Variants in ADGRL3 observed in about 807,000 individuals in gnomAD.
ADGRL3 encodes adhesion G protein-coupled receptor L3.
In ADGRL3, 62 loss-of-function variants were observed where a neutral mutation model predicts 153.5. The ratio of observed to expected loss-of-function variants is 0.40; its 90% CI spans 0.33 to 0.50. The LOEUF (loss-of-function observed/expected upper bound fraction) is 0.50. ADGRL3 is among the 20% of genes least tolerant of loss of function. The probability of loss-of-function intolerance (pLI) is 0.47; values close to 1 mark genes in which losing one functional copy is unlikely to be tolerated. For synonymous variants in ADGRL3, 710 were observed against 672.5 expected (o/e 1.06, Z -0.86); for missense variants, 1,641 against 1,859.4 (o/e 0.88, Z 2.16).
intron 9 of ADGRL3, among the ~76,000 whole-genome samples, chr4:61,836,198 A>G (rs951823226): frequency 6.6e-6 from 1 of 152,190 alleles, no homozygotes; most frequent in African/African-American, 2.4e-5. Flanking sequence ...TTTCACAAAG[A>G]TTAATCTCTT....
At chr4:61,634,682 C>T (rs2093340172) in intron 5 of ADGRL3, among the ~76,000 whole-genome samples, 1 of 152,116 alleles carries the variant, frequency 6.6e-6, no homozygotes, top group Admixed American at 6.6e-5. Context: ...TGATGGGCTG[C>T]TGTTTTTATT....
intron 9 of ADGRL3, among the ~76,000 whole-genome samples, chr4:61,840,225 G>A (rs1328145505): frequency 5.3e-5 from 8 of 152,006 alleles, no homozygotes; most frequent in Admixed American, 1.3e-4. Context: ...GATTACAGGC[G>A]CCTGCCACCA....
chr4:62,011,464 C>T (rs923589719), intron 21 of ADGRL3, among the ~76,000 whole-genome samples: 7 of 151,774 alleles, frequency 4.6e-5, no homozygotes, highest in Non-Finnish European at 8.8e-5. Context: ...TAAAAATGTT[C>T]CTTTCCTCTC....
intron 4 of ADGRL3, among the ~76,000 whole-genome samples, chr4:61,563,370 A>G (rs1251482887): frequency 6.6e-6 from 1 of 152,194 alleles, no homozygotes; most frequent in Non-Finnish European, 1.5e-5. Context: ...TTTAGACAGC[A>G]CAGGCAGAGT....
chr4:61,775,561 C>CT (rs1490330111), intron 8 of ADGRL3: 1 of 841,882 alleles, frequency 1.2e-6, no homozygotes, highest in Non-Finnish European at 2.0e-6. Flanking sequence ...CTTCCCCTCT[C>CT]TGTCAGTTTT....
chr4:61,658,299 A>T (rs2094496966), intron 5 of ADGRL3, among the ~76,000 whole-genome samples: 1 of 152,180 alleles, frequency 6.6e-6, no homozygotes, highest in Non-Finnish European at 1.5e-5. Context: ...CATTTTCTAC[A>T]AAAATGACAG....
intron 1 of ADGRL3, among the ~76,000 whole-genome samples, chr4:61,349,509 A>G (rs1294338393): frequency 6.6e-6 from 1 of 152,086 alleles, no homozygotes; most frequent in Admixed American, 6.6e-5. Context: ...CACCACGATT[A>G]CCTGTATAAA....
chr4:61,306,251 C>G (rs930392448), intron 1 of ADGRL3, among the ~76,000 whole-genome samples: 24 of 151,956 alleles, frequency 1.6e-4, no homozygotes, highest in Non-Finnish European at 2.8e-4. Context: ...GTACCCGCCA[C>G]CACGCCCGGC....
intron 8 of ADGRL3, among the ~76,000 whole-genome samples, chr4:61,783,985 A>G (rs1036611245): frequency 9.2e-5 from 14 of 152,216 alleles, no homozygotes; most frequent in Admixed American, 7.9e-4. Flanking sequence ...ACTTGACCTA[A>G]TATAATGTAA....
At chr4:61,469,333 G>A (rs923335410) in intron 2 of ADGRL3, among the ~76,000 whole-genome samples, 1 of 152,052 alleles carries the variant, frequency 6.6e-6, no homozygotes, top group African/African-American at 2.4e-5. Context: ...ATTATTATGA[G>A]TATTAAATGA....
chr4:61,210,496 T>C (rs182427134), intron 1 of ADGRL3, among the ~76,000 whole-genome samples: 90 of 152,218 alleles, frequency 5.9e-4, no homozygotes, highest in Non-Finnish European at 5.9e-4. Flanking sequence ...ACGCTGACCC[T>C]GTAAGAGGGT....
rs74809601 is a variant in ADGRL3 at position 61,591,175 on chromosome 4, G to A, written c.473+3735G>A. 8.9e-4 allele frequency among the ~76,000 whole-genome samples: 136 copies of A among 152,092 alleles called. 2 individuals carry two copies. The East Asian group carries it at 0.022, about 25-fold the overall frequency. ...TGCCCACTTTGTAATTTTAATAAAA[G>A]GTTTCATATATTGTATACTTTTTGT... On this transcript the variant is annotated intron_variant, in intron 5 of 26. Coordinates refer to ENST00000683033, the MANE Select transcript of ADGRL3 (RefSeq NM_001387552.1).
At chr4:61,917,640 C>G (rs1338860604) in intron 13 of ADGRL3, among the ~76,000 whole-genome samples, 12 of 148,360 alleles carry the variant, frequency 8.1e-5, no homozygotes. Flanking sequence ...TTATTATAGC[C>G]ATGCTAGTAT....
intron 6 of ADGRL3, among the ~76,000 whole-genome samples, chr4:61,703,280 T>A (rs1472619908): frequency 6.9e-6 from 1 of 145,200 alleles, no homozygotes; most frequent in Admixed American, 7.0e-5. Context: ...ACAATGTAGA[T>A]GCTCAACAAA....
chr4:61,801,949 GT>G (rs1463175164), intron 8 of ADGRL3, among the ~76,000 whole-genome samples: 1 of 152,062 alleles, frequency 6.6e-6, no homozygotes, highest in African/African-American at 2.4e-5. Context: ...GATTTACCAT[GT>G]TTTTTATTTG....
intron 8 of ADGRL3, among the ~76,000 whole-genome samples, chr4:61,779,419 G>C (rs1415748512): frequency 6.6e-6 from 1 of 151,682 alleles, no homozygotes; most frequent in Non-Finnish European, 1.5e-5. Context: ...GATCACCTGA[G>C]GTCAGGAGTT....
chr4:61,461,164 A>G (rs1478201730), intron 2 of ADGRL3, among the ~76,000 whole-genome samples: 2 of 152,136 alleles, frequency 1.3e-5, no homozygotes, highest in South Asian at 2.1e-4. Flanking sequence ...TGATTGAATT[A>G]TCTCCCACTG....
At chr4:62,007,408 ACG>A (rs1296794068) in intron 21 of ADGRL3, among the ~76,000 whole-genome samples, 10 of 116,916 alleles carry the variant, frequency 8.6e-5, no homozygotes, top group South Asian at 3.0e-4. Flanking sequence ...ATATATATAC[ACG>A]TATATATATA....
chr4:61,807,629 A>G (rs1158084628), intron 8 of ADGRL3, among the ~76,000 whole-genome samples: 3 of 152,100 alleles, frequency 2.0e-5, no homozygotes, highest in Admixed American at 2.0e-4. Flanking sequence ...AGATTAGTTG[A>G]TTTCTTCCTA....
Sources: allele counts gnomAD v4.1 joint callset (sites outside exome capture counted in the v4.1 genomes callset), GRCh38; gene constraint gnomAD v4.1.1; transcripts MANE v1.5; gene names NCBI Gene and HGNC (gene_info 2026-07-23, HGNC 2026-07-21).